The following AGAP6 variants were observed in gnomAD, a reference collection of about 807,000 sequenced individuals.
AGAP6 encodes arf-GAP with GTPase, ANK repeat and PH domain-containing protein 6.
In AGAP6, 29 loss-of-function variants were observed where a neutral mutation model predicts 63.9. The ratio of observed to expected loss-of-function variants is 0.45; its 90% CI spans 0.34 to 0.62. AGAP6 has a LOEUF of 0.62. Among genes scored for constraint, AGAP6 ranks in the 20% least tolerant of loss-of-function variants. AGAP6 has a pLI of 0.01. For synonymous variants in AGAP6, 199 were observed against 332.9 expected (o/e 0.60, Z 4.38); for missense variants, 493 against 884.9 (o/e 0.56, Z 5.62).
At position 50,009,813 on chromosome 10, in the gene AGAP6, A is replaced by T; in HGVS notation, c.1688A>T (p.Lys563Met). The change falls in exon 8 of 8, where the codon AAG becomes ATG. Residue 563 changes from lysine to methionine, a missense_variant. By Grantham distance (95) the Lys-to-Met change is moderately conservative. Around this residue, in one of 7 missense-constraint regions of AGAP6, gnomAD observed 87 missense variants for 92.9 expected, o/e 0.94. Coordinates refer to ENST00000412531, the MANE Select transcript of AGAP6 (RefSeq NM_001077665.3). ...TCAGAAAAGTCCACGAGGGAAGAGA[A>T]GGAACGGTGGATCCGTTCCAAATAT... ...KPSEKSTREE[K>M]ERWIRSKYEE... is the part of the protein sequence containing the mutation. 1 of 1,613,108 alleles carries T rather than the reference A, an allele frequency of 6.2e-7. No homozygotes were observed.
intron 6 of AGAP6, among the ~76,000 whole-genome samples, chr10:50,005,205 CA>C (rs1841870044): frequency 6.6e-6 from 1 of 152,288 alleles, no homozygotes; most frequent in Admixed American, 6.5e-5. Context: ...TTTTCTACAA[CA>C]AAAAGTTGAG....
At chr10:50,007,061 T>G (rs1841936775) in intron 6 of AGAP6, among the ~76,000 whole-genome samples, 1 of 151,414 alleles carries the variant, frequency 6.6e-6, no homozygotes, top group South Asian at 2.1e-4. Flanking sequence ...ATTTTTAAAA[T>G]TTTTCATCAG....
intron 2 of AGAP6, among the ~76,000 whole-genome samples, chr10:49,991,213 A>T (rs1473343362): frequency 6.6e-5 from 10 of 151,814 alleles, no homozygotes; most frequent in Non-Finnish European, 1.3e-4. Flanking sequence ...CCTCAGAATG[A>T]AATGGAAGTG....
Position 50,004,668 on chromosome 10 carries a change from T to G in AGAP6, c.498-17T>G, listed in dbSNP as rs1554863576. The G allele has an allele frequency of 1.6e-5, 20 of 1,264,442 alleles. No homozygotes were observed. Among genetic ancestry groups the G allele is most frequent in the Admixed American group, 2.6e-5 (1 of 37,936 alleles). The allele number at this position is 1,264,442 out of a possible 1,614,324, so 78.3% of individuals were successfully genotyped here. On this transcript the variant is annotated splice_polypyrimidine_tract_variant and intron_variant, in intron 5 of 7. Coordinates refer to ENST00000412531, the MANE Select transcript of AGAP6 (RefSeq NM_001077665.3). ...AATGATAACATCTATTGTTATGAAT[T>G]TTTTTTCCTTCCACAGTGTGACCTT...
intron 6 of AGAP6, 83 bp from the exon 7 acceptor site, chr10:50,007,942 A>G (rs1276319643): frequency 2.5e-6 from 4 of 1,608,690 alleles, no homozygotes; most frequent in Non-Finnish European, 3.4e-6. Context: ...ACACCAAAGC[A>G]CACAGGAGGC....
intron 4 of AGAP6, among the ~76,000 whole-genome samples, chr10:49,997,941 G>C (rs199843487): frequency 0.2 from 27,651 of 135,540 alleles, 4,200 homozygotes; most frequent in Non-Finnish European, 0.28. Context: ...CATCCAGGTT[G>C]CTGGGAATGC....
chr10:49,991,453 G>C (rs563989704), intron 2 of AGAP6, among the ~76,000 whole-genome samples: 1 of 136,556 alleles, frequency 7.3e-6, no homozygotes. Flanking sequence ...TCAACTTCCT[G>C]ACCTGGGTTC....
chr10:49,991,327 GATTT>G (rs1554860823), intron 2 of AGAP6, among the ~76,000 whole-genome samples: 2 of 147,062 alleles, frequency 1.4e-5, no homozygotes, highest in Non-Finnish European at 3.0e-5. Flanking sequence ...CTGACATCTT[GATTT>G]ATTTTATGCA....
intron 3 of AGAP6, among the ~76,000 whole-genome samples, chr10:49,992,613 A>G (rs1470088779): frequency 7.3e-4 from 111 of 152,218 alleles, no homozygotes; most frequent in African/African-American, 2.6e-3. Flanking sequence ...AACTGGCTCA[A>G]AGATTTTCAG....
rs1230299951 is a variant in AGAP6 at position 49,994,331 on chromosome 10, A to G, written c.362-64A>G. The G allele has an allele frequency of 3.3e-5, 48 of 1,461,968 alleles. No individual in the cohort carries two copies. The East Asian group carries it at 1.1e-3, about 35-fold the overall frequency. 90.6% of individuals were successfully genotyped at this position (1,461,968 alleles called of 1,614,324 possible). A position where few individuals can be genotyped will look rare whatever the true frequency, so the allele number is the denominator to read the frequency against. On this transcript the variant is annotated intron_variant, in intron 3 of 7. Transcript: ENST00000412531. Reference sequence around the variant, plus strand: ...ACGTAGGAGTAATCAGTAAGATGTTAACAACTACTTTTATTTTATGGTATT... The same window carrying G: ...ACGTAGGAGTAATCAGTAAGATGTTGACAACTACTTTTATTTTATGGTATT...
At chr10:50,003,562 G>A (rs1841792248) in intron 5 of AGAP6, among the ~76,000 whole-genome samples, 1 of 152,114 alleles carries the variant, frequency 6.6e-6, no homozygotes, top group African/African-American at 2.4e-5. Context: ...AAACTTTGCT[G>A]CTGATTGAAA....
At chr10:49,994,986 G>C in intron 4 of AGAP6, among the ~76,000 whole-genome samples, 1 of 145,490 alleles carries the variant, frequency 6.9e-6, no homozygotes, top group Non-Finnish European at 1.5e-5. Context: ...AAAAAAAAGT[G>C]CCTGAAATAT....
intron 3 of AGAP6, among the ~76,000 whole-genome samples, chr10:49,992,412 G>A (rs1348257216): frequency 6.0e-4 from 92 of 152,196 alleles, no homozygotes; most frequent in Admixed American, 2.0e-4. Context: ...AAGAATACAA[G>A]TGAGGGTTCT....
intron 6 of AGAP6, among the ~76,000 whole-genome samples, chr10:50,005,214 G>A (rs1259137430): frequency 1.3e-5 from 2 of 152,208 alleles, no homozygotes; most frequent in Admixed American, 6.5e-5. Context: ...ACAAAAAGTT[G>A]AGTAAAAAGT....
intron 4 of AGAP6, among the ~76,000 whole-genome samples, chr10:50,001,326 T>C (rs1841686228): frequency 6.7e-6 from 1 of 149,676 alleles, no homozygotes; most frequent in South Asian, 2.1e-4. Context: ...CGAGACTCCG[T>C]CTCAAAAATA....
At chr10:50,005,835 G>T (rs1391989695) in intron 6 of AGAP6, among the ~76,000 whole-genome samples, 3 of 149,518 alleles carry the variant, frequency 2.0e-5, no homozygotes, top group Admixed American at 1.3e-4. Context: ...CAGGAGAATC[G>T]CTTGAGCCTG....
intron 2 of AGAP6, among the ~76,000 whole-genome samples, chr10:49,991,001 G>A (rs1841251435): frequency 6.6e-6 from 1 of 152,060 alleles, no homozygotes; most frequent in South Asian, 2.1e-4. Flanking sequence ...TAGATGGGTA[G>A]TGTTGGATGA....
At chr10:49,989,049 C>T in intron 1 of AGAP6, 111 bp downstream of exon 1, 1 of 1,594,536 alleles carries the variant, frequency 6.3e-7, no homozygotes, top group Non-Finnish European at 8.5e-7. Context: ...TTGTAGCCAG[C>T]TTTCCCGGGG....
chr10:49,991,547 A>G (rs1195871836), intron 2 of AGAP6, 129 bp from the exon 3 acceptor site: 21 of 1,290,198 alleles, frequency 1.6e-5, no homozygotes, highest in Non-Finnish European at 2.1e-5. Context: ...ATGTCTATAC[A>G]TTCATTTCAA....
Sources: allele counts gnomAD v4.1 joint callset (sites outside exome capture counted in the v4.1 genomes callset), GRCh38; gene constraint gnomAD v4.1.1; regional missense constraint gnomAD v4.1.1; transcripts MANE v1.5; gene names NCBI Gene and HGNC (gene_info 2026-07-23, HGNC 2026-07-21).